Variants in BCAN observed in about 807,000 individuals in gnomAD.
BCAN encodes the protein brevican core protein.
A neutral mutation model predicts 92.4 loss-of-function variants in BCAN; 51 were observed. The ratio of observed to expected loss-of-function variants is 0.55; its 90% CI spans 0.44 to 0.70. BCAN has a LOEUF of 0.70. Among genes scored for constraint, BCAN ranks in the 30% least tolerant of loss-of-function variants. The pLI, the probability that BCAN is intolerant of heterozygous loss-of-function variation, is 0.00. For missense variants in BCAN, 1,140 were observed against 1,212.1 expected, an observed-to-expected ratio of 0.94 and a Z score of 0.88; for synonymous variants, 501 against 505.2, an observed-to-expected ratio of 0.99 and a Z score of 0.11.
chr1:156,657,768 C>G lies in BCAN; in HGVS notation c.2292+11C>G, dbSNP rs761852975. 6.2e-7 allele frequency: 1 copy of G among 1,603,328 alleles called. No individual in the cohort carries two copies. The highest frequency in any genetic ancestry group is 8.5e-7 in the Non-Finnish European group (1 of 1,175,086). On this transcript the variant is annotated intron_variant, in intron 11 of 13. Coordinates refer to ENST00000329117, the MANE Select transcript of BCAN (RefSeq NM_021948.5). The stretch of plus-strand genomic sequence containing the variant: ...GATGGCGTCCCCCTGGTGAGAGGCC[C>G]CAGTCGAACCCCGCCGTCTAGCTCA...
intron 8 of BCAN, 55 bp from the exon 9 acceptor site, chr1:156,656,227 G>A: frequency 7.6e-7 from 1 of 1,307,582 alleles, no homozygotes; most frequent in Non-Finnish European, 1.0e-6. Flanking sequence ...GGAGGGCTCA[G>A]GCTGCAGAGT....
intron 10 of BCAN, chr1:156,657,375 C>G (rs1679371324): frequency 3.6e-6 from 2 of 560,270 alleles, no homozygotes; most frequent in African/African-American, 3.8e-5. Flanking sequence ...CCTCCAACCT[C>G]CCTGCTCTCC....
At position 156,647,597 on chromosome 1, in the gene BCAN, A is replaced by T; in HGVS notation, c.556A>T (p.Ile186Phe). Residue 186 changes from isoleucine to phenylalanine, a missense_variant, in exon 4 of 14, where the codon ATC (isoleucine) becomes TTC (phenylalanine). Ile to Phe is a conservative substitution (Grantham distance 21, BLOSUM62 0). Transcript: ENST00000329117. The surrounding 1 kb of genome is among the most constrained non-coding windows in gnomAD (Gnocchi z 4.8). ...QEACARIGAH[I>F]ATPEQLYAAY... Reference sequence around the variant, plus strand: ...GGCCTGTGCCCGCATTGGAGCCCACATCGCCACCCCGGAGCAGCTCTATGC... The same window carrying T: ...GGCCTGTGCCCGCATTGGAGCCCACTTCGCCACCCCGGAGCAGCTCTATGC... 1.2e-6 allele frequency: 2 copies of T among 1,613,278 alleles called. No homozygotes were observed. The highest frequency in any genetic ancestry group is 1.7e-6 in the Non-Finnish European group (2 of 1,179,698).
chr1:156,645,842 A>T (rs1678944594), intron 1 of BCAN, among the ~76,000 whole-genome samples: 1 of 152,220 alleles, frequency 6.6e-6, no homozygotes, highest in African/African-American at 2.4e-5. Flanking sequence ...TCACACAGTG[A>T]GTTGACTAGG....
intron 8 of BCAN, among the ~76,000 whole-genome samples, chr1:156,654,181 A>T (rs770501796): frequency 6.6e-6 from 1 of 152,226 alleles, no homozygotes; most frequent in Non-Finnish European, 1.5e-5. Flanking sequence ...GGAAGGAATC[A>T]GGTTCTGGGG....
chr1:156,654,974 C>A (rs1319768076), intron 8 of BCAN, among the ~76,000 whole-genome samples: 2 of 152,242 alleles, frequency 1.3e-5, no homozygotes, highest in Non-Finnish European at 2.9e-5. Flanking sequence ...TCTCCTCTCT[C>A]CACCCCTACT....
rs756002410 is a variant in BCAN, at chr1:156,648,545, C to A, written c.770-23C>A. The A allele has an allele frequency of 1.6e-5, 25 of 1,558,820 alleles. No individual in the cohort carries two copies. The African/African-American group carries it at 3.2e-4, about 20-fold the overall frequency. ...AAGGAGCTACCAGCTGCCTGATAACCCAGCCTTCTCTTCTCCACCCAGGAG... is the reference window on the plus strand; with the variant it reads ...AAGGAGCTACCAGCTGCCTGATAACACAGCCTTCTCTTCTCCACCCAGGAG... On this transcript the variant is annotated intron_variant, in intron 5 of 13. Transcript: ENST00000329117.
intron 6 of BCAN, chr1:156,649,896 G>A (rs756360781): frequency 2.3e-5 from 12 of 518,862 alleles, no homozygotes; most frequent in African/African-American, 1.3e-4. Context: ...ACACAGCCTT[G>A]AACCTCAGGG....
chr1:156,658,667 G>C lies in BCAN; in HGVS notation c.2562G>C (p.Pro854=). ...AAGGACTGGCCCAGCGCAATCTGCC[G>C]CTGATCCGATGCCAAGAGAACGGTC... ...CREGLAQRNL[P]LIRCQENGRW... The change falls in exon 13 of 14, where the codon CCG becomes CCC. Residue 854 remains proline, a synonymous_variant. Coordinates refer to ENST00000329117, the MANE Select transcript of BCAN (RefSeq NM_021948.5). This position sits in a 1 kb window ranked among gnomAD's most constrained non-coding sequence, Gnocchi z 4.4. The C allele has an allele frequency of 6.2e-7, 1 of 1,614,154 alleles. No homozygotes were observed. The highest frequency in any genetic ancestry group is 1.3e-5 in the African/African-American group (1 of 75,046).
chr1:156,654,615 AG>A (rs1310755254), intron 8 of BCAN, among the ~76,000 whole-genome samples: 1 of 152,212 alleles, frequency 6.6e-6, no homozygotes, highest in African/African-American at 2.4e-5. Flanking sequence ...GCCCACAGCC[AG>A]GGGGAGGGGC....
At position 156,646,381 on chromosome 1, in the gene BCAN, G is replaced by A. The variant is rs369617993; in HGVS notation, c.91+236G>A. On this transcript the variant is annotated intron_variant, in intron 2 of 13. Transcript: ENST00000329117. The stretch of plus-strand genomic sequence containing the variant: ...TTGGGCCCCTAAGGTGGAGGATAGG[G>A]GATCCTGAAGCTAGGAGGTGGGAAA... The A allele has an allele frequency of 1.2e-4, 62 of 518,078 alleles. No homozygotes were observed. In the South Asian group the frequency reaches 2.0e-3, roughly 17 times the overall value. The allele number at this position is 518,078 out of a possible 1,614,324, so 32.1% of individuals were successfully genotyped here.
rs980744105 is a variant in BCAN, at chr1:156,647,207, AGGGAGGGAG to A, written c.466+35_466+43del. On this transcript the variant is annotated intron_variant, in intron 3 of 13. Coordinates refer to ENST00000329117, the MANE Select transcript of BCAN (RefSeq NM_021948.5). The surrounding 1 kb of genome is among the most constrained non-coding windows in gnomAD (Gnocchi z 4.8). ...GGGCAGGGAGGTTCCAGAGGGAGGG[AGGGAGGGAG>A]GGAAGGGAGGACTCTTGCCTTCGGG... The A allele has an allele frequency of 3.4e-5, 7 of 202,986 alleles. No homozygotes were observed. The African/African-American group carries it at 3.5e-4, about 10-fold the overall frequency. 12.6% of individuals were successfully genotyped at this position (202,986 alleles called of 1,614,324 possible).
At chr1:156,654,205 C>T (rs776398173) in intron 8 of BCAN, among the ~76,000 whole-genome samples, 3 of 152,138 alleles carry the variant, frequency 2.0e-5, no homozygotes, top group Non-Finnish European at 4.4e-5. Context: ...GAGAGAAGCC[C>T]TCTCTACTCA....
Position 156,647,355 on chromosome 1 carries a change from AT to A in BCAN, c.467-151del. 1 of 1,107,448 alleles carries A rather than the reference AT, an allele frequency of 9.0e-7. No homozygotes were observed. Among genetic ancestry groups the A allele is most frequent in the Non-Finnish European group, 1.3e-6 (1 of 790,548 alleles). The allele number at this position is 1,107,448 out of a possible 1,614,324, so 68.6% of individuals were successfully genotyped here. A position where few individuals can be genotyped will look rare whatever the true frequency, so the allele number is the denominator to read the frequency against. On this transcript the variant is annotated intron_variant, in intron 3 of 13. Transcript: ENST00000329117. The surrounding 1 kb of genome is among the most constrained non-coding windows in gnomAD (Gnocchi z 4.8). ...TCCTTTCTCTCTTCAGGTGGAGGAC[AT>A]TCTACCCACAATCTAACTTAAGTCC...
rs1260713659 is a variant in BCAN at position 156,659,080 on chromosome 1, G to A, written c.2682G>A (p.Leu894=). ...EDPEGRQGRL[L]GRWKALLIPP... Reference sequence around the variant, plus strand: ...CAGAAGGACGTCAGGGGAGGCTACTGGGACGCTGGAAGGCGCTGTTGATCC... The same window carrying A: ...CAGAAGGACGTCAGGGGAGGCTACTAGGACGCTGGAAGGCGCTGTTGATCC... The change falls in exon 14 of 14, where the codon CTG becomes CTA. Residue 894 remains leucine, a synonymous_variant. Coordinates refer to ENST00000329117, the MANE Select transcript of BCAN (RefSeq NM_021948.5). 6.3e-7 allele frequency: 1 copy of A among 1,599,514 alleles called. No homozygotes were observed.
At chr1:156,651,773 G>T in intron 7 of BCAN, 84 bp downstream of exon 7, 1 of 1,223,466 alleles carries the variant, frequency 8.2e-7, no homozygotes, top group Non-Finnish European at 1.1e-6. Flanking sequence ...ATGCTAGGGT[G>T]ATGGATGACA....
At position 156,646,155 on chromosome 1, in the gene BCAN, C is replaced by G. The variant is rs750241116; in HGVS notation, c.91+10C>G. ...GAAGGAGACAGCTCAGGTAAGCAAC[C>G]CCACTTGGGGTCACCGTCTCTGTCT... On this transcript the variant is annotated intron_variant, in intron 2 of 13. Transcript: ENST00000329117. The G allele has an allele frequency of 1.2e-6, 2 of 1,612,240 alleles. No individual in the cohort carries two copies. Among genetic ancestry groups the G allele is most frequent in the East Asian group, 2.2e-5 (1 of 44,852 alleles).
chr1:156,654,694 A>G (rs1171534278), intron 8 of BCAN, among the ~76,000 whole-genome samples: 2 of 152,164 alleles, frequency 1.3e-5, no homozygotes, highest in African/African-American at 4.8e-5. Context: ...GGAGGGTTGA[A>G]TGGGAAGGAG....
In BCAN at chr1:156,647,028, C is replaced by T. The variant is rs1345192944; in HGVS notation, c.319C>T (p.Arg107Cys). ...RVKVNEAYRF[R>C]VALPAYPASL... is the part of the protein sequence containing the mutation. Reference sequence around the variant, plus strand: ...CAAGGTGAACGAGGCCTACCGGTTCCGCGTGGCACTGCCTGCGTACCCAGC... The same window carrying T: ...CAAGGTGAACGAGGCCTACCGGTTCTGCGTGGCACTGCCTGCGTACCCAGC... Residue 107 changes from arginine to cysteine, a missense_variant, in exon 3 of 14, where the codon CGC (arginine) becomes TGC (cysteine). By Grantham distance (180) the Arg-to-Cys change is radical. Coordinates refer to ENST00000329117, the MANE Select transcript of BCAN (RefSeq NM_021948.5). This position sits in a 1 kb window ranked among gnomAD's most constrained non-coding sequence, Gnocchi z 4.8. The T allele has an allele frequency of 1.2e-6, 2 of 1,612,680 alleles. No individual in the cohort carries two copies. Among genetic ancestry groups the T allele is most frequent in the African/African-American group, 2.7e-5 (2 of 74,920 alleles).
Sources: gnomAD v4.1 joint callset for allele counts (sites outside exome capture counted in the v4.1 genomes callset) on GRCh38, gnomAD v4.1.1 for gene constraint, Gnocchi (gnomAD v3.1) non-coding constraint, MANE v1.5 for transcripts, NCBI Gene and HGNC (gene_info 2026-07-23, HGNC 2026-07-21) for gene names.